RUVBL1: variants seen among roughly 807,000 people sequenced by gnomAD.
The protein encoded by RUVBL1 is RuvB like AAA ATPase 1.
In RUVBL1, 4 loss-of-function variants were observed where a neutral mutation model predicts 52.4. That is an observed-to-expected ratio of 0.08 (90% CI 0.04 to 0.17). The LOEUF (loss-of-function observed/expected upper bound fraction) is 0.17. Ranked by LOEUF, RUVBL1 falls within the 10% of genes least tolerant of loss-of-function variation. RUVBL1 has a pLI of 1.00. For missense variants in RUVBL1, 298 were observed against 572.8 expected (o/e 0.52, Z 4.90); for synonymous variants, 217 against 214.4 (o/e 1.01, Z -0.10).
At chr3:128,144,338 GAATT>G (rs1332557482) in intron 1 of RUVBL1, among the ~76,000 whole-genome samples, 1 of 152,196 alleles carries the variant, frequency 6.6e-6, no homozygotes, top group Non-Finnish European at 1.5e-5. Context: ...TAATGAAGTT[GAATT>G]AATTACTAGC....
At chr3:128,071,121 C>T (rs1340471877) in intron 9 of RUVBL1, 1 of 152,360 alleles carries the variant, frequency 6.6e-6, no homozygotes, top group Admixed American at 6.5e-5. Context: ...GAGGGGCACA[C>T]TCTGGAGACC....
chr3:128,115,172 T>C (rs941035016), intron 2 of RUVBL1, among the ~76,000 whole-genome samples: 2 of 152,152 alleles, frequency 1.3e-5, no homozygotes, highest in South Asian at 2.1e-4. Context: ...TTGTATTTTA[T>C]AGATTAAGAA....
intron 9 of RUVBL1, chr3:128,084,805 G>A (rs1942588589): frequency 6.6e-6 from 1 of 152,248 alleles, no homozygotes; most frequent in Non-Finnish European, 1.5e-5. Context: ...TAAAAATGCT[G>A]AGGTTATCGC....
At chr3:128,094,797 G>A (rs1195425342) in intron 8 of RUVBL1, among the ~76,000 whole-genome samples, 2 of 152,204 alleles carry the variant, frequency 1.3e-5, no homozygotes, top group Non-Finnish European at 2.9e-5. Flanking sequence ...GGTTCTGGGG[G>A]GTAAGGAAGC....
intron 4 of RUVBL1, among the ~76,000 whole-genome samples, chr3:128,102,676 T>C (rs1406101985): frequency 1.3e-5 from 2 of 152,258 alleles, no homozygotes; most frequent in East Asian, 3.8e-4. Flanking sequence ...CCGAGGGCTA[T>C]AGTTGGAATG....
At chr3:128,133,945 C>T (rs74757800) in intron 1 of RUVBL1, among the ~76,000 whole-genome samples, 317 of 152,178 alleles carry the variant, frequency 2.1e-3, no homozygotes, top group African/African-American at 7.4e-3. Context: ...AGATATGTGA[C>T]CTTTTAGACA....
upstream of RUVBL1, among the ~76,000 whole-genome samples, chr3:128,126,916 A>G (rs1943801124): frequency 6.6e-6 from 1 of 152,148 alleles, no homozygotes; most frequent in South Asian, 2.1e-4. Flanking sequence ...AACTGACCCC[A>G]CACCCCATGT....
intron 1 of RUVBL1, among the ~76,000 whole-genome samples, chr3:128,146,769 GTC>G (rs1279637881): frequency 1.3e-5 from 2 of 151,980 alleles, no homozygotes; most frequent in African/African-American, 4.8e-5. Flanking sequence ...ACATCTGTGT[GTC>G]TCTGTGCGTG....
At position 128,123,644 on chromosome 3, in the gene RUVBL1, G is replaced by A; in HGVS notation, c.81C>T (p.Asp27=). 6.2e-7 allele frequency: 1 copy of A among 1,612,384 alleles called. No individual in the cohort carries two copies. Residue 27 remains aspartate, a synonymous_variant, in exon 1 of 11, where the codon GAC becomes GAT. Transcript: ENST00000322623. ...SHSHVKGLGL[D]ESGLAKQAAS... is the part of the protein sequence containing the mutation. ...CCGCCTGCTTGGCCAAGCCGCTCTC[G>A]TCCAGCCCCAGCCCTTTCACGTGGC...
At chr3:128,120,606 T>G (rs757071578) in intron 1 of RUVBL1, among the ~76,000 whole-genome samples, 3 of 152,198 alleles carry the variant, frequency 2.0e-5, no homozygotes, top group Non-Finnish European at 2.9e-5. Flanking sequence ...ACTGAATACG[T>G]GACTATCTAA....
At chr3:128,133,842 A>G (rs1943913920) in intron 1 of RUVBL1, among the ~76,000 whole-genome samples, 1 of 152,208 alleles carries the variant, frequency 6.6e-6, no homozygotes, top group Non-Finnish European at 1.5e-5. Context: ...ATGCCCAGAT[A>G]TTGACAAATA....
chr3:128,085,927 T>C (rs1335327789), intron 9 of RUVBL1, among the ~76,000 whole-genome samples: 2 of 152,234 alleles, frequency 1.3e-5, no homozygotes, highest in Non-Finnish European at 2.9e-5. Context: ...AAAGCCTGGA[T>C]TACAGCCAGT....
intron 1 of RUVBL1, among the ~76,000 whole-genome samples, chr3:128,149,939 T>G (rs569438280): frequency 1.2e-4 from 18 of 152,260 alleles, no homozygotes; most frequent in Non-Finnish European, 2.1e-4. Flanking sequence ...ATTTTCAGGA[T>G]ATGCTTAGCA....
At chr3:128,146,707 G>A (rs2687725) in intron 1 of RUVBL1, among the ~76,000 whole-genome samples, 1 of 149,914 alleles carries the variant, frequency 6.7e-6, no homozygotes, top group Non-Finnish European at 1.5e-5. Context: ...ATGTGTCTCT[G>A]TGCGTGTGCA....
intron 3 of RUVBL1, among the ~76,000 whole-genome samples, chr3:128,112,089 T>C (rs1040137832): frequency 1.3e-5 from 2 of 152,180 alleles, no homozygotes; most frequent in African/African-American, 4.8e-5. Context: ...TAAGCAGATC[T>C]GAGGGAAACT....
intron 1 of RUVBL1, among the ~76,000 whole-genome samples, chr3:128,129,660 G>A (rs1175744878): frequency 6.6e-6 from 1 of 151,968 alleles, no homozygotes; most frequent in African/African-American, 2.4e-5. Flanking sequence ...TTAAAAGATG[G>A]TATATACATA....
Position 128,081,144 on chromosome 3 carries a change from C to A in RUVBL1, c.*106G>T. 1 of 1,165,036 alleles carries A rather than the reference C, an allele frequency of 8.6e-7. No individual in the cohort carries two copies. Among genetic ancestry groups the A allele is most frequent in the Non-Finnish European group, 1.2e-6 (1 of 811,814 alleles). The allele number at this position is 1,165,036 out of a possible 1,614,324, so 72.2% of individuals were successfully genotyped here. A position where few individuals can be genotyped will look rare whatever the true frequency, so the allele number is the denominator to read the frequency against. On this transcript the variant is annotated 3_prime_UTR_variant, in exon 11 of 11. Coordinates refer to ENST00000322623, the MANE Select transcript of RUVBL1 (RefSeq NM_003707.3). This position sits in a 1 kb window ranked among gnomAD's most constrained non-coding sequence, Gnocchi z 4.8. ...ACTGAACTGACAGCGCTGCAGACCA[C>A]GCCTGAGTGGGGACGGCAGCCCCAA...
chr3:128,133,978 GAGGAAGCGCAACGA>G (rs1216047237), intron 1 of RUVBL1, among the ~76,000 whole-genome samples: 3 of 152,122 alleles, frequency 2.0e-5, no homozygotes, highest in Admixed American at 2.0e-4. Context: ...TAGCTCTTTT[GAGGAAGCGCAACGA>G]AATTCAAGAT....
At chr3:128,111,455 T>C (rs1295125632) in intron 3 of RUVBL1, among the ~76,000 whole-genome samples, 1 of 152,144 alleles carries the variant, frequency 6.6e-6, no homozygotes. Context: ...GACTCCTCTC[T>C]TTCTTTCAGC....
Sources: gnomAD v4.1 joint callset for allele counts (sites outside exome capture counted in the v4.1 genomes callset) on GRCh38, gnomAD v4.1.1 for gene constraint, Gnocchi (gnomAD v3.1) non-coding constraint, MANE v1.5 for transcripts, NCBI Gene and HGNC (gene_info 2026-07-23, HGNC 2026-07-21) for gene names.